Variants in ZNF827 observed in about 807,000 individuals in gnomAD.
ZNF827 encodes zinc finger protein 827.
Under a neutral mutation model 102.4 loss-of-function variants are expected in ZNF827, and 13 were observed. That is an observed-to-expected ratio of 0.13 (90% CI 0.08 to 0.20). ZNF827 has a LOEUF of 0.20. ZNF827 is among the 10% of genes least tolerant of loss of function. The pLI, the probability that ZNF827 is intolerant of heterozygous loss-of-function variation, is 1.00. For synonymous variants in ZNF827, 523 were observed against 536.2 expected (o/e 0.98, Z 0.34); for missense variants, 1,103 against 1,344.4 (o/e 0.82, Z 2.81).
At chr4:145,916,954 TTCTA>T (rs1261794260) in intron 1 of ZNF827, among the ~76,000 whole-genome samples, 1 of 152,232 alleles carries the variant, frequency 6.6e-6, no homozygotes. Context: ...AATTCCTCTT[TTCTA>T]TCTGAGATCT....
At chr4:145,870,879 A>G (rs1748622846) in intron 4 of ZNF827, 1 of 170,400 alleles carries the variant, frequency 5.9e-6, no homozygotes, top group Non-Finnish European at 1.3e-5. Context: ...GAATACAAAC[A>G]TGAGTCAGAG....
chr4:145,812,499 ATTT>A (rs1742124667), intron 8 of ZNF827, among the ~76,000 whole-genome samples: 1 of 8,870 alleles, frequency 1.1e-4, no homozygotes, highest in Admixed American at 2.0e-3. Flanking sequence ...ACCATTTTAT[ATTT>A]ATTTATTTAT....
rs138180596 is a variant in ZNF827, at chr4:145,920,677, C to T, written c.44-17462G>A. Among the ~76,000 whole-genome samples the T allele has an allele frequency of 9.8e-4, 149 of 152,306 alleles. 1 individual carries two copies. Among genetic ancestry groups the T allele is most frequent in the African/African-American group, 3.5e-3 (145 of 41,574 alleles). On this transcript the variant is annotated intron_variant, in intron 1 of 14. Transcript: ENST00000508784. Reference sequence around the variant, plus strand: ...CTAAAGTCCTTTCCACCTCTAAAACCCTTTGGTTCTGTGACCCAGTCTTAA... The same window carrying T: ...CTAAAGTCCTTTCCACCTCTAAAACTCTTTGGTTCTGTGACCCAGTCTTAA...
Position 145,775,809 on chromosome 4 carries a change from C to T in ZNF827, c.2673G>A (p.Lys891=), listed in dbSNP as rs2126947220. 1.2e-6 allele frequency: 2 copies of T among 1,614,200 alleles called. No homozygotes were observed. The highest frequency in any genetic ancestry group is 1.6e-4 in the Middle Eastern group (1 of 6,062). ...CTCACCTGTAATAATAAGGATGTTT[C>T]TTCCCATCACTGCCTTCAGAGGTGA... ...SAVTSEGSDG[K]KHPYYYSCHV... The change falls in exon 10 of 15, where the codon AAG becomes AAA. Residue 891 remains lysine (K), a synonymous_variant. Coordinates refer to ENST00000508784, the MANE Select transcript of ZNF827 (RefSeq NM_001306215.2).
At position 145,850,120 on chromosome 4, in the gene ZNF827, C is replaced by T. The variant is rs1020604186; in HGVS notation, c.1982-559G>A. On this transcript the variant is annotated intron_variant, in intron 5 of 14. Coordinates refer to ENST00000508784, the MANE Select transcript of ZNF827 (RefSeq NM_001306215.2). ...CACCTCCCAGGTTTAAGAGATTCTC[C>T]TGCCTCAGCCTCCCGAGTAGCTGGG... Among the ~76,000 whole-genome samples the T allele has an allele frequency of 8.5e-5, 13 of 152,058 alleles. No homozygotes were observed. In the South Asian group the frequency reaches 1.5e-3, roughly 17 times the overall value.
chr4:145,851,626 C>T (rs1406307002), intron 5 of ZNF827, among the ~76,000 whole-genome samples: 1 of 152,070 alleles, frequency 6.6e-6, no homozygotes, highest in Non-Finnish European at 1.5e-5. Flanking sequence ...ATTACACATG[C>T]TTCTCAGGGA....
intron 1 of ZNF827, among the ~76,000 whole-genome samples, chr4:145,934,174 A>AT (rs1753997620): frequency 6.6e-6 from 1 of 152,196 alleles, no homozygotes; most frequent in Non-Finnish European, 1.5e-5. Context: ...TCGTGTAATA[A>AT]TTTTTAAAAC....
At chr4:145,871,343 T>C (rs913003088) in intron 4 of ZNF827, among the ~76,000 whole-genome samples, 2 of 152,226 alleles carry the variant, frequency 1.3e-5, no homozygotes, top group Non-Finnish European at 2.9e-5. Flanking sequence ...ATTTTTAGCA[T>C]GGTTGGTTGC....
chr4:145,834,023 T>G (rs1374544383), intron 7 of ZNF827, among the ~76,000 whole-genome samples: 2 of 152,016 alleles, frequency 1.3e-5, no homozygotes, highest in African/African-American at 4.8e-5. Context: ...CCATTCCTCC[T>G]TCTACTCCCT....
At chr4:145,850,612 T>A (rs1746438946) in intron 5 of ZNF827, among the ~76,000 whole-genome samples, 1 of 152,234 alleles carries the variant, frequency 6.6e-6, no homozygotes, top group Non-Finnish European at 1.5e-5. Context: ...CATCTATTGC[T>A]TAGAGTTAAT....
intron 8 of ZNF827, among the ~76,000 whole-genome samples, chr4:145,800,849 G>A (rs746093335): frequency 1.3e-5 from 2 of 152,180 alleles, no homozygotes; most frequent in Non-Finnish European, 2.9e-5. Context: ...CCTCCCAGTT[G>A]AGAACCATAC....
At chr4:145,812,484 G>C (rs1742118639) in intron 8 of ZNF827, among the ~76,000 whole-genome samples, 1 of 149,752 alleles carries the variant, frequency 6.7e-6, no homozygotes, top group Non-Finnish European at 1.5e-5. Flanking sequence ...CTACTGTCAA[G>C]GTAAACCATT....
chr4:145,822,828 A>G (rs1327143099), intron 8 of ZNF827, among the ~76,000 whole-genome samples: 1 of 152,170 alleles, frequency 6.6e-6, no homozygotes, highest in Non-Finnish European at 1.5e-5. Flanking sequence ...CCTTCCTTCT[A>G]CCCAGGAAAG....
In ZNF827 at chr4:145,885,877, G is replaced by A. The variant is rs564566301; in HGVS notation, c.1548C>T (p.Gly516=). The A allele has an allele frequency of 6.2e-6, 10 of 1,614,210 alleles. No individual in the cohort carries two copies. In the East Asian group the frequency reaches 8.9e-5, roughly 14 times the overall value. The part of the protein sequence containing the change: ...TPERTSQGGA[G]VSPLLVKEEP... ...CCTCCTTCACCAGCAAAGGCGAGAC[G>A]CCAGCCCCTCCCTGGCTAGTCCTCT... Residue 516 remains glycine, a synonymous_variant, in exon 4 of 15, where the codon GGC becomes GGT. Transcript: ENST00000508784.
intron 1 of ZNF827, among the ~76,000 whole-genome samples, chr4:145,931,638 A>G (rs180811179): frequency 1.6e-3 from 242 of 152,296 alleles, no homozygotes; most frequent in African/African-American, 5.6e-3. Context: ...TTACCAATAC[A>G]TCACTCAGAA....
At chr4:145,846,376 G>A (rs1415992642) in intron 6 of ZNF827, among the ~76,000 whole-genome samples, 3 of 152,180 alleles carry the variant, frequency 2.0e-5, no homozygotes, top group Non-Finnish European at 2.9e-5. Context: ...TACTAGGGAG[G>A]CTGAGGCAGG....
At chr4:145,818,050 C>G (rs1286234043) in intron 8 of ZNF827, among the ~76,000 whole-genome samples, 1 of 152,138 alleles carries the variant, frequency 6.6e-6, no homozygotes, top group African/African-American at 2.4e-5. Context: ...AATTAGAATT[C>G]TGTTAATCAA....
At chr4:145,775,594 C>T (rs1446297023) in intron 10 of ZNF827, among the ~76,000 whole-genome samples, 195 bp downstream of exon 10, 2 of 152,096 alleles carry the variant, frequency 1.3e-5, no homozygotes, top group Non-Finnish European at 2.9e-5. Context: ...CAATTAATAC[C>T]ACCAGGGGCA....
chr4:145,830,630 C>A (rs181522527), intron 7 of ZNF827: 1 of 151,988 alleles, frequency 6.6e-6, no homozygotes, highest in African/African-American at 2.4e-5. Context: ...ACTTAATAGA[C>A]GCTTATATTT....
Sources: allele counts gnomAD v4.1 joint callset (sites outside exome capture counted in the v4.1 genomes callset), GRCh38; gene constraint gnomAD v4.1.1; transcripts MANE v1.5; gene names NCBI Gene and HGNC (gene_info 2026-07-23, HGNC 2026-07-21).